Variants in NTM observed in about 807,000 individuals in gnomAD.
The protein encoded by NTM is neurotrimin.
NTM carries 13 observed loss-of-function variants against 42.1 expected under a neutral mutation model. The observed-to-expected ratio is 0.31, with a 90% confidence interval of 0.20 to 0.49. NTM has a LOEUF of 0.49. Ranked by LOEUF, NTM falls within the 20% of genes least tolerant of loss-of-function variation. The probability of loss-of-function intolerance (pLI) is 0.99; values close to 1 mark genes in which losing one functional copy is unlikely to be tolerated. For synonymous variants in NTM, 187 were observed against 179.2 expected, an observed-to-expected ratio of 1.04 and a Z score of -0.35; for missense variants, 373 against 452.8, an observed-to-expected ratio of 0.82 and a Z score of 1.60.
chr11:132,106,306 A>G (rs2062370042), intron 2 of NTM, among the ~76,000 whole-genome samples: 1 of 152,130 alleles, frequency 6.6e-6, no homozygotes, highest in Non-Finnish European at 1.5e-5. Flanking sequence ...TTTGTATGAT[A>G]TTTCAACTTA....
intron 1 of NTM, among the ~76,000 whole-genome samples, chr11:131,601,307 G>A (rs1480522508): frequency 5.3e-5 from 8 of 152,168 alleles, no homozygotes; most frequent in Non-Finnish European, 8.8e-5. Flanking sequence ...CACCATCACA[G>A]TCCCAGTCTC....
intron 1 of NTM, among the ~76,000 whole-genome samples, chr11:131,473,419 A>G (rs181239618): frequency 1.6e-3 from 245 of 152,326 alleles, no homozygotes; most frequent in Non-Finnish European, 2.1e-3. Context: ...AGGCGTATTC[A>G]TCAGACACAA....
At chr11:131,649,576 G>A (rs140482087) in intron 1 of NTM, among the ~76,000 whole-genome samples, 6 of 152,222 alleles carry the variant, frequency 3.9e-5, no homozygotes, top group African/African-American at 1.4e-4. Flanking sequence ...TCTATTCTCC[G>A]AGGTCACACT....
chr11:131,538,342 G>C (rs1046080536), intron 1 of NTM: 9 of 152,148 alleles, frequency 5.9e-5, no homozygotes, highest in African/African-American at 2.2e-4. Context: ...CACATACCTA[G>C]TTAGTGGCAG....
chr11:131,961,303 A>C (rs1323726424), intron 2 of NTM, among the ~76,000 whole-genome samples: 1 of 152,174 alleles, frequency 6.6e-6, no homozygotes, highest in Non-Finnish European at 1.5e-5. Context: ...TCGGGGGCCA[A>C]AGCACCCTAT....
chr11:131,486,434 C>T (rs1043392111), intron 1 of NTM, among the ~76,000 whole-genome samples: 6 of 152,206 alleles, frequency 3.9e-5, no homozygotes, highest in Non-Finnish European at 8.8e-5. Flanking sequence ...CCAGGGCCAA[C>T]TTTCAATTCA....
At chr11:131,380,211 TC>T (rs143127106) in intron 1 of NTM, among the ~76,000 whole-genome samples, 1 of 135,654 alleles carries the variant, frequency 7.4e-6, no homozygotes. Context: ...TTCCTTTGAG[TC>T]TTTTTTTTTT....
intron 3 of NTM, among the ~76,000 whole-genome samples, chr11:132,160,623 G>T (rs1344048499): frequency 6.6e-6 from 1 of 152,208 alleles, no homozygotes; most frequent in Non-Finnish European, 1.5e-5. Flanking sequence ...GACTGGAGAA[G>T]TCAGTAACTC....
At chr11:131,414,489 G>A (rs113153534) in intron 1 of NTM, among the ~76,000 whole-genome samples, 5,219 of 152,240 alleles carry the variant, frequency 0.034, 286 homozygotes, top group African/African-American at 0.12. Flanking sequence ...CAGCAGGTCC[G>A]GGACTGCCAC....
At chr11:131,704,247 A>C (rs180756204) in intron 1 of NTM, among the ~76,000 whole-genome samples, 1 of 152,308 alleles carries the variant, frequency 6.6e-6, no homozygotes, top group Admixed American at 6.5e-5. Flanking sequence ...CTGTGGATTC[A>C]GAATGGAGTC....
At position 131,687,920 on chromosome 11, in the gene NTM, A is replaced by G. The variant is rs75889483; in HGVS notation, c.83-223644A>G. Among the ~76,000 whole-genome samples, 1,032 of 152,290 alleles carry G rather than the reference A, an allele frequency of 6.8e-3. 13 individuals carry two copies. The highest frequency in any genetic ancestry group is 0.023 in the African/African-American group (971 of 41,548). ...GGTGCCGAATGTGTCCTAGCAAAGC[A>G]ATCAGTGGACGTATTTTTAAAAGAA... On this transcript the variant is annotated intron_variant, in intron 1 of 8. Coordinates refer to ENST00000683400, the MANE Select transcript of NTM (RefSeq NM_001352005.2).
At chr11:131,713,884 C>T (rs1160336302) in intron 1 of NTM, among the ~76,000 whole-genome samples, 1 of 152,152 alleles carries the variant, frequency 6.6e-6, no homozygotes, top group East Asian at 1.9e-4. Context: ...TGGAAGAGGG[C>T]CAAGCGGGTG....
At chr11:131,373,130 A>G (rs931624444) in intron 1 of NTM, among the ~76,000 whole-genome samples, 1 of 152,216 alleles carries the variant, frequency 6.6e-6, no homozygotes, top group Non-Finnish European at 1.5e-5. Context: ...ATTGCATGCC[A>G]GTCAGATGTG....
At chr11:132,120,700 T>A (rs1421819328) in intron 2 of NTM, among the ~76,000 whole-genome samples, 1 of 152,196 alleles carries the variant, frequency 6.6e-6, no homozygotes, top group Non-Finnish European at 1.5e-5. Flanking sequence ...CAAGGATTAG[T>A]AGGCGTTAAT....
At chr11:132,010,169 A>T (rs371882913) in intron 2 of NTM, among the ~76,000 whole-genome samples, 5 of 152,188 alleles carry the variant, frequency 3.3e-5, no homozygotes, top group African/African-American at 1.2e-4. Context: ...ATTAGCTTTG[A>T]TCTTACTCTC....
chr11:131,392,804 T>C (rs902315783), intron 1 of NTM, among the ~76,000 whole-genome samples: 2 of 152,172 alleles, frequency 1.3e-5, no homozygotes, highest in Non-Finnish European at 2.9e-5. Flanking sequence ...TCTCTTGAGA[T>C]CAGAATTTGA....
intron 1 of NTM, among the ~76,000 whole-genome samples, chr11:131,651,834 C>T (rs1165276303): frequency 2.6e-5 from 4 of 151,170 alleles, no homozygotes; most frequent in South Asian, 2.1e-4. Flanking sequence ...TGTGAGACTC[C>T]GTCCCCGCCC....
chr11:132,003,188 G>A lies in NTM; in HGVS notation c.167+91540G>A, dbSNP rs1353848435. Among the ~76,000 whole-genome samples, 1 of 151,802 alleles carries A rather than the reference G, an allele frequency of 6.6e-6. No homozygotes were observed. Among genetic ancestry groups the A allele is most frequent in the Non-Finnish European group, 1.5e-5 (1 of 68,026 alleles). On this transcript the variant is annotated intron_variant, in intron 2 of 8. Transcript: ENST00000683400. This position sits in a 1 kb window ranked among gnomAD's most constrained non-coding sequence, Gnocchi z 6.0. ...AGAGTTATTTCGCTCTGCCAGTGGT[G>A]CACTTCAGAAACACCTGGAGGCTTG...
Position 132,105,601 on chromosome 11 carries a change from G to A in NTM, c.168-40681G>A, listed in dbSNP as rs530590980. Among the ~76,000 whole-genome samples, 28 of 152,220 alleles carry A rather than the reference G, an allele frequency of 1.8e-4. 1 individual carries two copies. Among genetic ancestry groups the A allele is most frequent in the African/African-American group, 4.8e-4 (20 of 41,542 alleles). On this transcript the variant is annotated intron_variant, in intron 2 of 8. Transcript: ENST00000683400. ...AAACCCCAGCAGGCAGCAGAGAAGC[G>A]TTGATCCTGTTTCCAGGGTCAGTAT...
Sources: gnomAD v4.1 joint callset for allele counts (sites outside exome capture counted in the v4.1 genomes callset) on GRCh38, gnomAD v4.1.1 for gene constraint, Gnocchi (gnomAD v3.1) non-coding constraint, MANE v1.5 for transcripts, NCBI Gene and HGNC (gene_info 2026-07-23, HGNC 2026-07-21) for gene names.